Variants in ELAVL2 observed in about 807,000 individuals in gnomAD.
ELAVL2 encodes ELAV like RNA binding protein 2, also known as ELAV-like protein 2.
ELAVL2 carries 4 observed loss-of-function variants against 34.6 expected under a neutral mutation model. That is an observed-to-expected ratio of 0.12 (90% CI 0.06 to 0.26). ELAVL2 has a LOEUF of 0.26. ELAVL2 is among the 10% of genes least tolerant of loss of function. The probability of loss-of-function intolerance (pLI) is 1.00; values close to 1 mark genes in which losing one functional copy is unlikely to be tolerated. For synonymous variants in ELAVL2, 193 were observed against 154.8 expected (o/e 1.25, Z -1.83); for missense variants, 432 against 442.8 (o/e 0.98, Z 0.22).
intron 3 of ELAVL2, among the ~76,000 whole-genome samples, chr9:23,720,554 T>G (rs937123054): frequency 2.6e-5 from 4 of 152,152 alleles, no homozygotes; most frequent in African/African-American, 9.7e-5. Flanking sequence ...TATGCTAGCA[T>G]AATTGTAATG....
chr9:23,705,000 T>G lies in ELAVL2; in HGVS notation c.405A>C (p.Thr135=). Residue 135 remains threonine (T), a synonymous_variant, in exon 4 of 7, where the codon ACA becomes ACC. Coordinates refer to ENST00000397312, the MANE Select transcript of ELAVL2 (RefSeq NM_004432.5). The stretch of plus-strand genomic sequence containing the variant: ...GCTGTTCCAACTCCTTCTGGGTCAT[T>G]GTTTTTGGAAGTCCGCTGACATATA... ...ANLYVSGLPK[T]MTQKELEQLF... is the part of the protein sequence containing the mutation. The G allele has an allele frequency of 6.2e-7, 1 of 1,614,148 alleles. No individual in the cohort carries two copies. The highest frequency in any genetic ancestry group is 8.5e-7 in the Non-Finnish European group (1 of 1,180,010).
intron 2 of ELAVL2, 115 bp from the exon 3 acceptor site, chr9:23,731,240 A>G (rs2046452579): frequency 1.4e-6 from 1 of 725,226 alleles, no homozygotes; most frequent in Non-Finnish European, 2.1e-6. Flanking sequence ...CTCAACAGTA[A>G]AAAGAACTCT....
intron 1 of ELAVL2, among the ~76,000 whole-genome samples, chr9:23,812,159 T>C (rs1224750597): frequency 6.6e-6 from 1 of 152,066 alleles, no homozygotes; most frequent in Non-Finnish European, 1.5e-5. Context: ...CTCATCTCCT[T>C]AGGTAGAGAC....
chr9:23,818,446 C>T (rs2064036263), intron 1 of ELAVL2, among the ~76,000 whole-genome samples: 1 of 152,022 alleles, frequency 6.6e-6, no homozygotes, highest in African/African-American at 2.4e-5. Flanking sequence ...GCAGTCCTGC[C>T]CATAACTAAG....
the ELAVL2 span, among the ~76,000 whole-genome samples, chr9:23,840,736 G>C: frequency 6.6e-6 from 1 of 152,124 alleles, no homozygotes; most frequent in Admixed American, 6.6e-5. Flanking sequence ...CACTGGCATA[G>C]ATATATTTTA....
chr9:23,788,715 G>A (rs754088074), intron 1 of ELAVL2, among the ~76,000 whole-genome samples: 20 of 152,110 alleles, frequency 1.3e-4, no homozygotes, highest in Non-Finnish European at 2.6e-4. Flanking sequence ...CTTTGGGGCC[G>A]CTGAAAGTAA....
chr9:23,735,124 A>AAAAAAAAAAAAAAAAAAAAAAAAAAAAC (rs1564163319), intron 2 of ELAVL2: 1 of 148,154 alleles, frequency 6.7e-6, no homozygotes, highest in Non-Finnish European at 1.5e-5. Context: ...AAAAAAAAAA[A>AAAAAAAAAAAAAAAAAAAAAAAAAAAAC]AAAGCCCTTA....
intron 4 of ELAVL2, among the ~76,000 whole-genome samples, chr9:23,702,060 C>A (rs970091448): frequency 5.9e-5 from 9 of 152,092 alleles, no homozygotes; most frequent in African/African-American, 2.2e-4. Flanking sequence ...AAAAATGCTA[C>A]AAAGCTATGC....
chr9:23,717,156 T>C (rs922443883), intron 3 of ELAVL2, among the ~76,000 whole-genome samples: 5 of 152,218 alleles, frequency 3.3e-5, no homozygotes, highest in Non-Finnish European at 5.9e-5. Flanking sequence ...TTTGCAACAA[T>C]GTTCAGAAAC....
intron 1 of ELAVL2, among the ~76,000 whole-genome samples, chr9:23,770,813 T>TA: frequency 6.6e-6 from 1 of 152,086 alleles, no homozygotes; most frequent in Admixed American, 6.6e-5. Context: ...AAATTTAAAG[T>TA]AATTTGTTAG....
chr9:23,774,829 C>G (rs2057937433), intron 1 of ELAVL2, among the ~76,000 whole-genome samples: 1 of 151,950 alleles, frequency 6.6e-6, no homozygotes, highest in Admixed American at 6.5e-5. Context: ...ACAGAGAAAA[C>G]AAGAGTGTAG....
chr9:23,760,458 A>G (rs1453546082), intron 2 of ELAVL2, among the ~76,000 whole-genome samples: 2 of 152,008 alleles, frequency 1.3e-5, no homozygotes, highest in Non-Finnish European at 2.9e-5. Context: ...TGCAAAATCC[A>G]CATGTCAGGG....
At chr9:23,834,306 C>T in the ELAVL2 span, among the ~76,000 whole-genome samples, 8 of 151,888 alleles carry the variant, frequency 5.3e-5, no homozygotes, top group Non-Finnish European at 1.0e-4. Context: ...TATATAGGAA[C>T]ATCATAGAAG....
Position 23,784,012 on chromosome 9 carries a change from G to C in ELAVL2, c.-15-21763C>G, listed in dbSNP as rs189054447. On this transcript the variant is annotated intron_variant, in intron 1 of 6. Transcript: ENST00000397312. ...GATCGAGACCATCCTGGCTAACACGGTGAAACCCCGTCTCTACTAAAAAAA... is the reference window on the plus strand; with the variant it reads ...GATCGAGACCATCCTGGCTAACACGCTGAAACCCCGTCTCTACTAAAAAAA... 6.3e-3 allele frequency among the ~76,000 whole-genome samples: 953 copies of C among 152,028 alleles called. 8 individuals are homozygous for C. Among genetic ancestry groups the C allele is most frequent in the African/African-American group, 0.022 (919 of 41,462 alleles).
At chr9:23,819,615 G>A (rs186356940) in intron 1 of ELAVL2, among the ~76,000 whole-genome samples, 30 of 152,174 alleles carry the variant, frequency 2.0e-4, no homozygotes, top group African/African-American at 6.5e-4. Context: ...AGAGGGAGGG[G>A]CTTAACACCT....
At chr9:23,758,146 C>A (rs915993384) in intron 2 of ELAVL2, among the ~76,000 whole-genome samples, 2 of 152,036 alleles carry the variant, frequency 1.3e-5, no homozygotes, top group East Asian at 3.9e-4. Context: ...TAGAGAAGGA[C>A]CAAAGAACTC....
At chr9:23,821,077 G>C (rs538047290) in intron 1 of ELAVL2, 2 of 152,652 alleles carry the variant, frequency 1.3e-5, no homozygotes, top group African/African-American at 2.4e-5. Context: ...GCCGTAGCAA[G>C]TGGGCACACA....
At chr9:23,820,028 A>G (rs1034201906) in intron 1 of ELAVL2, among the ~76,000 whole-genome samples, 1 of 151,724 alleles carries the variant, frequency 6.6e-6, no homozygotes, top group Non-Finnish European at 1.5e-5. Flanking sequence ...ATTTATATAT[A>G]CCCAAAGGTT....
At chr9:23,784,000 C>T (rs1410731448) in intron 1 of ELAVL2, among the ~76,000 whole-genome samples, 2 of 151,898 alleles carry the variant, frequency 1.3e-5, no homozygotes, top group Non-Finnish European at 2.9e-5. Context: ...CGAGACCATC[C>T]TGGCTAACAC....
Sources: gnomAD v4.1 joint callset for allele counts (sites outside exome capture counted in the v4.1 genomes callset) on GRCh38, gnomAD v4.1.1 for gene constraint, MANE v1.5 for transcripts, NCBI Gene and HGNC (gene_info 2026-07-23, HGNC 2026-07-21) for gene names.